Variants in LRRC43 observed in about 807,000 individuals in gnomAD.
LRRC43 encodes the protein leucine rich repeat containing 43, also known as leucine-rich repeat-containing protein 43.
Under a neutral mutation model 64.3 loss-of-function variants are expected in LRRC43, and 62 were observed. That is an observed-to-expected ratio of 0.96 (90% confidence interval 0.79 to 1.19). The LOEUF (loss-of-function observed/expected upper bound fraction) is 1.19, where lower values mean the gene tolerates loss of function less well. Among genes scored for constraint, LRRC43 ranks in the 50% most tolerant of loss-of-function variants. The pLI is 0.00. For missense variants in LRRC43, 868 were observed against 845.0 expected, an observed-to-expected ratio of 1.03 and a Z score of -0.34; for synonymous variants, 422 against 382.3, an observed-to-expected ratio of 1.10 and a Z score of -1.21.
intron 1 of LRRC43, among the ~76,000 whole-genome samples, chr12:122,169,865 G>A (rs1953470345): frequency 6.6e-6 from 1 of 151,936 alleles, no homozygotes; most frequent in Admixed American, 6.6e-5. Context: ...CTGGAGTATA[G>A]TGACGCCATC....
chr12:122,200,594 G>A lies in LRRC43; in HGVS notation c.1554G>A (p.Lys518=), dbSNP rs1953825037. The change falls in exon 9 of 12, where the codon AAG becomes AAA. Residue 518 remains lysine, a synonymous_variant. Transcript: ENST00000339777. This position sits in a 1 kb window ranked among gnomAD's most constrained non-coding sequence, Gnocchi z 4.6. Reference sequence around the variant, plus strand: ...GTCCCCTGTCTGCCAAGAAAGGAAAGGGGGAGAAAGACAAGAAAGGGAAGG... The same window carrying A: ...GTCCCCTGTCTGCCAAGAAAGGAAAAGGGGAGAAAGACAAGAAAGGGAAGG... ...VDSPLSAKKG[K]GEKDKKGKEK... 4 of 1,606,412 alleles carry A rather than the reference G, an allele frequency of 2.5e-6. No individual in the cohort carries two copies. The South Asian group carries it at 3.3e-5, about 13-fold the overall frequency.
At chr12:122,192,418 G>A (rs917501297) in intron 6 of LRRC43, among the ~76,000 whole-genome samples, 5 of 152,056 alleles carry the variant, frequency 3.3e-5, no homozygotes, top group Admixed American at 1.3e-4. Flanking sequence ...TTACAGGCGT[G>A]AGCCACCGCG....
intron 11 of LRRC43, among the ~76,000 whole-genome samples, chr12:122,202,928 C>A (rs1487834360): frequency 6.6e-6 from 1 of 152,104 alleles, no homozygotes; most frequent in Non-Finnish European, 1.5e-5. Flanking sequence ...CCCGTCTCTA[C>A]TAAAACTACA....
At chr12:122,189,427 G>A (rs1271582138) in intron 4 of LRRC43, 1 of 456,656 alleles carries the variant, frequency 2.2e-6, no homozygotes, top group Non-Finnish European at 4.4e-6. Flanking sequence ...AGTGAGGCTG[G>A]GATTGGGAGA....
chr12:122,185,644 G>T (rs902945962), intron 2 of LRRC43, among the ~76,000 whole-genome samples: 1 of 152,230 alleles, frequency 6.6e-6, no homozygotes, highest in Admixed American at 6.5e-5. Flanking sequence ...CAAATAGGGT[G>T]ACTGACTGGT....
chr12:122,191,020 A>C (rs1237414061), intron 5 of LRRC43, among the ~76,000 whole-genome samples: 2 of 152,170 alleles, frequency 1.3e-5, no homozygotes, highest in African/African-American at 2.4e-5. Flanking sequence ...CAGTTATTTC[A>C]ATCAGCTTCT....
At chr12:122,186,363 C>T (rs1411462757) in intron 3 of LRRC43, 63 bp downstream of exon 3, 2 of 1,063,614 alleles carry the variant, frequency 1.9e-6, no homozygotes, top group Non-Finnish European at 2.8e-6. Flanking sequence ...CTTGCCTTAC[C>T]CTGCCCCACA....
Position 122,200,528 on chromosome 12 carries a change from C to T in LRRC43, c.1492-4C>T, listed in dbSNP as rs1163467396. 1 of 1,613,940 alleles carries T rather than the reference C, an allele frequency of 6.2e-7. No homozygotes were observed. Among genetic ancestry groups the T allele is most frequent in the Non-Finnish European group, 8.5e-7 (1 of 1,180,008 alleles). ...CTCACTCGAGGATTCTCTCCTGCCC[C>T]TAGATTCTCTCCTGGCCTGTGGTGC... is the stretch of plus-strand genomic sequence containing the variant. On this transcript the variant is annotated splice_region_variant and splice_polypyrimidine_tract_variant and intron_variant, in intron 8 of 11. Coordinates refer to ENST00000339777, the MANE Select transcript of LRRC43 (RefSeq NM_001098519.2). This position sits in a 1 kb window ranked among gnomAD's most constrained non-coding sequence, Gnocchi z 4.6.
At chr12:122,193,043 C>A (rs766472738) in intron 7 of LRRC43, 39 bp downstream of exon 7, 71 of 1,603,002 alleles carry the variant, frequency 4.4e-5, no homozygotes, top group Non-Finnish European at 5.6e-5. Context: ...GTGGTCAGAG[C>A]AGTAGGGTCA....
intron 7 of LRRC43, among the ~76,000 whole-genome samples, chr12:122,193,757 A>G (rs891394640): frequency 5.9e-5 from 9 of 152,210 alleles, no homozygotes; most frequent in Middle Eastern, 3.4e-3. Flanking sequence ...ATGGGGTTTC[A>G]CCATGTTGAC....
At chr12:122,178,899 G>A (rs1953559611), upstream of LRRC43, among the ~76,000 whole-genome samples, 1 of 152,206 alleles carries the variant, frequency 6.6e-6, no homozygotes, top group South Asian at 2.1e-4. Context: ...GAGCCATGGT[G>A]CCTGGCCAGG....
In LRRC43 at chr12:122,200,179, C is replaced by G. The variant is rs1264133381; in HGVS notation, c.1350-10C>G. On this transcript the variant is annotated splice_polypyrimidine_tract_variant and intron_variant, in intron 7 of 11. Coordinates refer to ENST00000339777, the MANE Select transcript of LRRC43 (RefSeq NM_001098519.2). The surrounding 1 kb of genome is among the most constrained non-coding windows in gnomAD (Gnocchi z 4.6). ...GACGGCACCCCCGTCTTCATCCCTC[C>G]CTCCCCAAGGACTGTCCTCTTCAGC... 3.1e-6 allele frequency: 5 copies of G among 1,611,356 alleles called. No homozygotes were observed. The Admixed American group carries it at 8.4e-5, about 27-fold the overall frequency.
Position 122,187,792 on chromosome 12 carries a change from A to G in LRRC43, c.614A>G (p.Asn205Ser). The change falls in exon 4 of 12, where the codon AAC (asparagine) becomes AGC (serine). Residue 205 changes from asparagine (N) to serine (S), a missense_variant. Transcript: ENST00000339777. ...CTGCAGCACTTGGGGTTAGGCCACAACAAACTTCTAGGCCCCTTGGAAAGT... is the reference window on the plus strand; with the variant it reads ...CTGCAGCACTTGGGGTTAGGCCACAGCAAACTTCTAGGCCCCTTGGAAAGT... ...AGLQHLGLGHNKLLGPLESLY... is the reference protein window; with the variant it reads ...AGLQHLGLGHSKLLGPLESLY... 5.0e-6 allele frequency: 8 copies of G among 1,614,184 alleles called. No homozygotes were observed. The highest frequency in any genetic ancestry group is 2.2e-5 in the East Asian group (1 of 44,878).
chr12:122,172,641 C>T (rs375249296), intron 1 of LRRC43: 37 of 1,613,978 alleles, frequency 2.3e-5, no homozygotes, highest in Non-Finnish European at 2.8e-5. Flanking sequence ...GAGATATGCC[C>T]GGATGGCTGG....
chr12:122,200,429 G>A lies in LRRC43; in HGVS notation c.1491+99G>A. The A allele has an allele frequency of 6.2e-7, 1 of 1,609,160 alleles. No individual in the cohort carries two copies. Among genetic ancestry groups the A allele is most frequent in the African/African-American group, 1.3e-5 (1 of 74,906 alleles). On this transcript the variant is annotated intron_variant, in intron 8 of 11. Coordinates refer to ENST00000339777, the MANE Select transcript of LRRC43 (RefSeq NM_001098519.2). The surrounding 1 kb of genome is among the most constrained non-coding windows in gnomAD (Gnocchi z 4.6). The stretch of plus-strand genomic sequence containing the variant: ...TCCCCCATGGGAGCCGCACTCCCTG[G>A]TTAGATGAGTTCTCAGCGCCATTCC...
chr12:122,172,679 G>T, intron 1 of LRRC43: 1 of 1,614,114 alleles, frequency 6.2e-7, no homozygotes, highest in Non-Finnish European at 8.5e-7. Context: ...GCGGCTGGGC[G>T]TCAGGGCTGA....
intron 10 of LRRC43, 88 bp downstream of exon 10, chr12:122,201,022 G>C (rs888942108): frequency 2.5e-5 from 36 of 1,452,910 alleles, no homozygotes; most frequent in Non-Finnish European, 3.2e-5. Flanking sequence ...GTGGGCCCAG[G>C]TCACGGGATG....
At chr12:122,198,693 G>A (rs929683752) in intron 7 of LRRC43, among the ~76,000 whole-genome samples, 2 of 145,500 alleles carry the variant, frequency 1.4e-5, no homozygotes, top group Non-Finnish European at 3.0e-5. Flanking sequence ...GCAGTGGTGC[G>A]ATCTCGGCTC....
rs772104845 is a variant in LRRC43 at position 122,187,739 on chromosome 12, G to C, written c.561G>C (p.Glu187Asp). 1 of 1,614,072 alleles carries C rather than the reference G, an allele frequency of 6.2e-7. No individual in the cohort carries two copies. Among genetic ancestry groups the C allele is most frequent in the East Asian group, 2.2e-5 (1 of 44,878 alleles). Residue 187 changes from glutamate (E) to aspartate (D), a missense_variant, in exon 4 of 12, where the codon GAG becomes GAC. Glu to Asp is a conservative substitution (Grantham distance 45). Transcript: ENST00000339777. ...ELYGNEISSM[E>D]CLCAHPPAGL... The stretch of plus-strand genomic sequence containing the variant: ...ACGGCAATGAGATCAGCAGCATGGA[G>C]TGTCTGTGTGCCCACCCACCCGCCG...
Sources: allele counts gnomAD v4.1 joint callset (sites outside exome capture counted in the v4.1 genomes callset), GRCh38; gene constraint gnomAD v4.1.1; non-coding constraint Gnocchi (gnomAD v3.1); transcripts MANE v1.5; gene names NCBI Gene and HGNC (gene_info 2026-07-23, HGNC 2026-07-21).